Variants in COXFA4 observed in about 807,000 individuals in gnomAD.
COXFA4 encodes cytochrome c oxidase associated subunit FA4.
chr7:10,937,484 T>C, the COXFA4 span, among the ~76,000 whole-genome samples: 18 of 152,260 alleles, frequency 1.2e-4, no homozygotes, highest in African/African-American at 4.3e-4. Context: ...GGTTTCACCA[T>C]ATTGGCCAGG....
the COXFA4 span, among the ~76,000 whole-genome samples, chr7:10,934,254 C>CT: frequency 6.6e-6 from 1 of 151,888 alleles, no homozygotes; most frequent in South Asian, 2.1e-4. Flanking sequence ...CAATATCAAA[C>CT]TGACACTTCA....
chr7:10,940,050 C>A, the COXFA4 span: 1 of 1,613,752 alleles, frequency 6.2e-7, no homozygotes, highest in Non-Finnish European at 8.5e-7. Context: ...GATGATCTGG[C>A]GGAGCATGTT....
chr7:10,939,075 TAAAG>T, the COXFA4 span: 1 of 549,154 alleles, frequency 1.8e-6, no homozygotes, highest in Non-Finnish European at 3.3e-6. Flanking sequence ...AACTGTGTTC[TAAAG>T]AAAGAAATGG....
the COXFA4 span, chr7:10,940,135 T>C: frequency 6.5e-5 from 92 of 1,423,320 alleles, no homozygotes; most frequent in African/African-American, 9.3e-4. Context: ...TTATCTGCAA[T>C]GAGACACTAC....
chr7:10,933,501 G>C, the COXFA4 span: 3 of 686,990 alleles, frequency 4.4e-6, no homozygotes, highest in Admixed American at 2.4e-5. Context: ...ATCTCCAATA[G>C]AGATTACAAT....
At chr7:10,938,953 G>A in the COXFA4 span, 13 of 1,299,490 alleles carry the variant, frequency 1.0e-5, no homozygotes, top group African/African-American at 2.9e-5. Flanking sequence ...ACTGGCCAAC[G>A]AGAGATTACA....
At chr7:10,932,842 A>G in the COXFA4 span, 2 of 152,174 alleles carry the variant, frequency 1.3e-5, no homozygotes, top group African/African-American at 2.4e-5. Flanking sequence ...ATGGTGGCAC[A>G]TACCTGTAGT....
At chr7:10,936,293 T>C in the COXFA4 span, among the ~76,000 whole-genome samples, 1 of 152,234 alleles carries the variant, frequency 6.6e-6, no homozygotes, top group African/African-American at 2.4e-5. Flanking sequence ...TACAGCAACA[T>C]TTCATTTTCG....
chr7:10,935,660 T>G, the COXFA4 span, among the ~76,000 whole-genome samples: 1 of 152,118 alleles, frequency 6.6e-6, no homozygotes, highest in Non-Finnish European at 1.5e-5. Context: ...TCCTTCCATA[T>G]TGTGAGGACA....
At chr7:10,938,768 T>G in the COXFA4 span, 10 of 1,500,072 alleles carry the variant, frequency 6.7e-6, no homozygotes, top group East Asian at 2.3e-4. Flanking sequence ...TAAACTGCCT[T>G]GATCAGCTAT....
the COXFA4 span, chr7:10,937,806 T>A: frequency 2.5e-6 from 1 of 395,224 alleles, no homozygotes; most frequent in Non-Finnish European, 4.6e-6. Flanking sequence ...GCTCTATGTA[T>A]AATGAAGTTT....
the COXFA4 span, chr7:10,939,711 G>T: frequency 2.0e-5 from 9 of 456,202 alleles, no homozygotes; most frequent in South Asian, 1.9e-4. Context: ...ATCCCTCCTG[G>T]ACCGCACAAC....
the COXFA4 span, chr7:10,939,915 G>T: frequency 7.5e-7 from 1 of 1,329,920 alleles, no homozygotes; most frequent in Non-Finnish European, 1.1e-6. Flanking sequence ...CTGACGGACG[G>T]TAAGTGGCTG....
the COXFA4 span, among the ~76,000 whole-genome samples, chr7:10,937,004 C>G: frequency 1.1e-4 from 17 of 152,112 alleles, no homozygotes; most frequent in East Asian, 7.7e-4. Flanking sequence ...GCACTGCACT[C>G]CAGCCTGGGC....
At chr7:10,938,192 A>G in the COXFA4 span, 1 of 1,539,062 alleles carries the variant, frequency 6.5e-7, no homozygotes. Context: ...ATAAAGCACT[A>G]TTTAGTGTTT....
the COXFA4 span, among the ~76,000 whole-genome samples, chr7:10,936,715 G>A: frequency 2.2e-4 from 34 of 152,130 alleles, no homozygotes; most frequent in Non-Finnish European, 4.0e-4. Flanking sequence ...AGGGGAAAAC[G>A]TGAAATCCAC....
chr7:10,936,799 T>C, the COXFA4 span, among the ~76,000 whole-genome samples: 36 of 151,774 alleles, frequency 2.4e-4, no homozygotes, highest in African/African-American at 4.8e-5. Context: ...CACTGGGGGG[T>C]TGAGACAGAC....
the COXFA4 span, chr7:10,933,253 T>C: frequency 5.7e-6 from 1 of 176,086 alleles, no homozygotes; most frequent in Non-Finnish European, 1.2e-5. Context: ...CAATTTACTT[T>C]TGTATAATTT....
At chr7:10,938,270 A>C in the COXFA4 span, 1 of 859,920 alleles carries the variant, frequency 1.2e-6, no homozygotes, top group Non-Finnish European at 1.8e-6. Flanking sequence ...GTGTTATTTC[A>C]TTATGAAGTT....
Sources: gnomAD v4.1 joint callset for allele counts (sites outside exome capture counted in the v4.1 genomes callset) on GRCh38, gnomAD v4.1.1 for gene constraint, MANE v1.5 for transcripts, NCBI Gene and HGNC (gene_info 2026-07-23, HGNC 2026-07-21) for gene names.